RUNX1T1: variants seen among roughly 807,000 people sequenced by gnomAD.
RUNX1T1 encodes the protein RUNX1 partner transcriptional co-repressor 1.
A neutral mutation model predicts 62.8 loss-of-function variants in RUNX1T1; 4 were observed. That is an observed-to-expected ratio of 0.06 (90% confidence interval 0.03 to 0.15). The LOEUF is 0.15. Ranked by LOEUF, RUNX1T1 falls within the 10% of genes least tolerant of loss-of-function variation. RUNX1T1 has a pLI of 1.00. For missense variants in RUNX1T1, 508 were observed against 754.3 expected, an observed-to-expected ratio of 0.67 and a Z score of 3.82; for synonymous variants, 291 against 286.0, an observed-to-expected ratio of 1.02 and a Z score of -0.18.
At chr8:92,025,655 T>A (rs985440400) in intron 1 of RUNX1T1, among the ~76,000 whole-genome samples, 2 of 152,236 alleles carry the variant, frequency 1.3e-5, no homozygotes, top group Non-Finnish European at 2.9e-5. Flanking sequence ...TCACACAGTA[T>A]TTAGACCACA....
At chr8:92,092,929 T>C (rs186582230) in intron 1 of RUNX1T1, among the ~76,000 whole-genome samples, 5 of 152,302 alleles carry the variant, frequency 3.3e-5, no homozygotes. Flanking sequence ...TTCCAAATTA[T>C]AGGTTGTTAT....
At chr8:92,008,226 A>G (rs992504853) in intron 4 of RUNX1T1, among the ~76,000 whole-genome samples, 1 of 152,110 alleles carries the variant, frequency 6.6e-6, no homozygotes, top group Non-Finnish European at 1.5e-5. Context: ...GAGACAAAAA[A>G]CAGTATCTTC....
At chr8:91,963,382 T>C (rs1416380687) in intron 10 of RUNX1T1, among the ~76,000 whole-genome samples, 4 of 152,254 alleles carry the variant, frequency 2.6e-5, no homozygotes, top group Admixed American at 1.3e-4. Context: ...TCTCTTGACA[T>C]TGCATTGCAG....
chr8:91,997,370 T>C lies in RUNX1T1; in HGVS notation c.660-5481A>G, dbSNP rs766621867. Among the ~76,000 whole-genome samples the C allele has an allele frequency of 7.9e-5, 12 of 152,276 alleles. 1 individual carries two copies. Among genetic ancestry groups the C allele is most frequent in the Admixed American group, 1.3e-4 (2 of 15,298 alleles). ...TTCTCTACATTAACATTTTTTTTAA[T>C]GTGAGGAACTACCACTATAAATATT... On this transcript the variant is annotated intron_variant, in intron 5 of 10. Coordinates refer to ENST00000396218, the Ensembl canonical transcript of RUNX1T1.
intron 1 of RUNX1T1, among the ~76,000 whole-genome samples, chr8:92,093,482 T>C (rs1361203604): frequency 6.6e-6 from 1 of 152,208 alleles, no homozygotes; most frequent in African/African-American, 2.4e-5. Context: ...CATATTAATC[T>C]ATATAAGTTA....
chr8:92,101,762 G>T (rs1438895317), upstream of RUNX1T1, among the ~76,000 whole-genome samples: 1 of 152,074 alleles, frequency 6.6e-6, no homozygotes, highest in African/African-American at 2.4e-5. Context: ...AAAATAGCAC[G>T]TTTCAAAAAA....
intron 5 of RUNX1T1, among the ~76,000 whole-genome samples, chr8:91,999,087 A>C (rs573503928): frequency 1.3e-5 from 2 of 152,332 alleles, no homozygotes; most frequent in South Asian, 4.1e-4. Flanking sequence ...TGAGAGAAAC[A>C]TGGTCCCTCA....
chr8:92,014,469 G>A (rs1448689189), intron 3 of RUNX1T1, 110 bp downstream of exon 4: 2 of 1,024,526 alleles, frequency 2.0e-6, no homozygotes, highest in Non-Finnish European at 2.8e-6. Flanking sequence ...ATCTTCAGAT[G>A]TAGAAACTAT....
intron 1 of RUNX1T1, among the ~76,000 whole-genome samples, chr8:92,032,822 C>A (rs187659667): frequency 1.3e-5 from 2 of 152,170 alleles, no homozygotes; most frequent in Admixed American, 1.3e-4. Flanking sequence ...AAAAGTTCAA[C>A]AGCCCAACAG....
chr8:92,082,208 T>C (rs774799434), intron 1 of RUNX1T1, among the ~76,000 whole-genome samples: 1 of 152,176 alleles, frequency 6.6e-6, no homozygotes, highest in Non-Finnish European at 1.5e-5. Context: ...TTTTGTACTG[T>C]AAACAGTAAC....
intron 8 of RUNX1T1, among the ~76,000 whole-genome samples, chr8:91,984,578 T>C (rs1816141345): frequency 6.6e-6 from 1 of 152,194 alleles, no homozygotes; most frequent in South Asian, 2.1e-4. Flanking sequence ...AAATAAGTAC[T>C]GACTCAATGA....
chr8:92,066,951 C>T (rs1440381735), upstream of RUNX1T1, among the ~76,000 whole-genome samples: 4 of 152,298 alleles, frequency 2.6e-5, no homozygotes, highest in Admixed American at 2.6e-4. Context: ...TACGCTATTC[C>T]CTCAAATATT....
At chr8:92,041,691 G>T (rs1194334994) in intron 1 of RUNX1T1, among the ~76,000 whole-genome samples, 1 of 152,056 alleles carries the variant, frequency 6.6e-6, no homozygotes, top group Non-Finnish European at 1.5e-5. Context: ...GTAGTAAGCC[G>T]AGATCACGCA....
intron 1 of RUNX1T1, among the ~76,000 whole-genome samples, chr8:92,039,136 T>C (rs1386348126): frequency 6.9e-6 from 1 of 144,050 alleles, no homozygotes; most frequent in Non-Finnish European, 1.5e-5. Flanking sequence ...AAGGCAATTT[T>C]TGTTGTTGTT....
chr8:92,003,360 A>C (rs746357400), intron 5 of RUNX1T1: 5 of 456,130 alleles, frequency 1.1e-5, no homozygotes, highest in African/African-American at 2.0e-5. Flanking sequence ...AAATACTGGG[A>C]AAGAGCTGGT....
intron 1 of RUNX1T1, among the ~76,000 whole-genome samples, chr8:92,047,752 T>TAA (rs755544614): frequency 1.4e-5 from 2 of 143,146 alleles, no homozygotes; most frequent in Non-Finnish European, 3.1e-5. Context: ...ACTATGGATT[T>TAA]AAAAAAAAAA....
At chr8:92,008,537 G>GA (rs750936122) in intron 4 of RUNX1T1, among the ~76,000 whole-genome samples, 2 of 151,870 alleles carry the variant, frequency 1.3e-5, no homozygotes, top group African/African-American at 2.4e-5. Context: ...CTTCTGTTAA[G>GA]AATGCCAGCA....
chr8:92,047,044 G>A (rs1195140594), intron 1 of RUNX1T1, among the ~76,000 whole-genome samples: 4 of 152,160 alleles, frequency 2.6e-5, no homozygotes, highest in Admixed American at 6.5e-5. Context: ...TGGGCAGCGG[G>A]TATGTGGGAT....
chr8:92,005,417 G>A, intron 4 of RUNX1T1, 120 bp from the exon 6 acceptor site: 1 of 820,042 alleles, frequency 1.2e-6, no homozygotes, highest in Non-Finnish European at 1.9e-6. Context: ...AAGGTCAAAT[G>A]CATGCCATGG....
Sources: allele counts gnomAD v4.1 joint callset (sites outside exome capture counted in the v4.1 genomes callset), GRCh38; gene constraint gnomAD v4.1.1; transcripts MANE v1.5; gene names NCBI Gene and HGNC (gene_info 2026-07-23, HGNC 2026-07-21).